NTM: variants seen among roughly 807,000 people sequenced by gnomAD.
The protein encoded by NTM is neurotrimin.
In NTM, 13 loss-of-function variants were observed where a neutral mutation model predicts 42.1. The ratio of observed to expected loss-of-function variants is 0.31; its 90% confidence interval spans 0.20 to 0.49. NTM has a LOEUF of 0.49. NTM is among the 20% of genes least tolerant of loss of function. The pLI is 0.99. For missense variants in NTM, 373 were observed against 452.8 expected (o/e 0.82, Z 1.60); for synonymous variants, 187 against 179.2 (o/e 1.04, Z -0.35).
chr11:131,824,031 G>T (rs993514832), intron 1 of NTM, among the ~76,000 whole-genome samples: 32 of 152,186 alleles, frequency 2.1e-4, no homozygotes, highest in African/African-American at 6.5e-4. Flanking sequence ...AGGGAGGCGG[G>T]AGGATAAGAG....
At chr11:131,529,006 A>C (rs2050876925) in intron 1 of NTM, among the ~76,000 whole-genome samples, 1 of 152,168 alleles carries the variant, frequency 6.6e-6, no homozygotes, top group Non-Finnish European at 1.5e-5. Context: ...GTGCTCAGTA[A>C]ATATATATTG....
intron 1 of NTM, among the ~76,000 whole-genome samples, chr11:131,516,442 G>A (rs184213320): frequency 7.9e-4 from 120 of 152,194 alleles, no homozygotes; most frequent in Middle Eastern, 3.4e-3. Context: ...GCAGTGGCGC[G>A]ATCTCGGCTC....
At chr11:132,300,105 A>T (rs1320258071) in intron 4 of NTM, among the ~76,000 whole-genome samples, 3 of 152,144 alleles carry the variant, frequency 2.0e-5, no homozygotes, top group Non-Finnish European at 1.5e-5. Context: ...AGAGTTTTCT[A>T]GTTAAAGGAT....
intron 8 of NTM, 147 bp downstream of exon 8, chr11:132,330,332 T>C (rs981527210): frequency 2.4e-6 from 2 of 836,902 alleles, no homozygotes; most frequent in African/African-American, 3.5e-5. Context: ...CATCTCCGTG[T>C]CAATTTAGAT....
intron 1 of NTM, among the ~76,000 whole-genome samples, chr11:131,894,743 G>A (rs2051985633): frequency 6.6e-6 from 1 of 152,158 alleles, no homozygotes; most frequent in Non-Finnish European, 1.5e-5. Context: ...CAGGGAGGTT[G>A]TTCATCCTCC....
At chr11:131,613,886 A>T (rs2061670995) in intron 1 of NTM, among the ~76,000 whole-genome samples, 1 of 152,064 alleles carries the variant, frequency 6.6e-6, no homozygotes, top group African/African-American at 2.4e-5. Context: ...AAACAGAGGA[A>T]CCCTGGTCTC....
chr11:131,953,144 G>C (rs2061200820), intron 2 of NTM, among the ~76,000 whole-genome samples: 1 of 152,118 alleles, frequency 6.6e-6, no homozygotes, highest in Non-Finnish European at 1.5e-5. Flanking sequence ...GCAGACCCTG[G>C]TTGGCTTTCA....
intron 1 of NTM, among the ~76,000 whole-genome samples, chr11:131,406,603 T>C (rs953820081): frequency 2.0e-5 from 3 of 152,214 alleles, no homozygotes; most frequent in Non-Finnish European, 2.9e-5. Context: ...ATGTTTAATT[T>C]ATAAATTAGG....
intron 1 of NTM, among the ~76,000 whole-genome samples, chr11:131,733,955 G>A (rs1417453650): frequency 6.6e-6 from 1 of 152,196 alleles, no homozygotes. Flanking sequence ...TTATGATAAT[G>A]TTGTAAAGAG....
At chr11:131,907,317 AGC>A (rs1210388978) in intron 1 of NTM, among the ~76,000 whole-genome samples, 1 of 152,200 alleles carries the variant, frequency 6.6e-6, no homozygotes, top group African/African-American at 2.4e-5. Flanking sequence ...TCTCTGTTCC[AGC>A]CCTGCTTCAG....
chr11:131,925,844 G>C (rs1343520454), intron 2 of NTM, among the ~76,000 whole-genome samples: 1 of 152,178 alleles, frequency 6.6e-6, no homozygotes, highest in Non-Finnish European at 1.5e-5. Flanking sequence ...CACGGGGCAA[G>C]ATTCAGGTGC....
chr11:131,684,891 A>G (rs2695825), intron 1 of NTM, among the ~76,000 whole-genome samples: 47,879 of 151,976 alleles, frequency 0.32, 8,768 homozygotes, highest in African/African-American at 0.51. Flanking sequence ...GGTGGGCAAG[A>G]AGACCAAGGG....
chr11:132,147,446 G>A (rs1418880848), intron 3 of NTM, among the ~76,000 whole-genome samples: 1 of 152,072 alleles, frequency 6.6e-6, no homozygotes, highest in Non-Finnish European at 1.5e-5. Context: ...TTCTCTTTCT[G>A]TAAAGGGGGT....
At chr11:131,468,427 C>A (rs1952100388) in intron 1 of NTM, among the ~76,000 whole-genome samples, 1 of 152,204 alleles carries the variant, frequency 6.6e-6, no homozygotes, top group South Asian at 2.1e-4. Context: ...AACCAGGAAG[C>A]AGCAACAATT....
chr11:131,906,241 G>T (rs1236599838), intron 1 of NTM, among the ~76,000 whole-genome samples: 2 of 152,026 alleles, frequency 1.3e-5, no homozygotes, highest in Non-Finnish European at 2.9e-5. Context: ...GTCCTCTGGG[G>T]GTCTCTCTCT....
intron 1 of NTM, among the ~76,000 whole-genome samples, chr11:131,646,436 C>A (rs1299726497): frequency 3.3e-5 from 5 of 152,212 alleles, no homozygotes; most frequent in Non-Finnish European, 7.3e-5. Flanking sequence ...TAACCCATTT[C>A]TTTTCTCTTC....
intron 1 of NTM, among the ~76,000 whole-genome samples, chr11:131,371,453 T>C (rs1465252277): frequency 1.3e-5 from 2 of 152,028 alleles, no homozygotes; most frequent in Non-Finnish European, 2.9e-5. Flanking sequence ...TAGTTTTAAA[T>C]GTGTTCGGGG....
At chr11:132,233,628 C>T (rs184806145) in intron 4 of NTM, among the ~76,000 whole-genome samples, 21 of 152,172 alleles carry the variant, frequency 1.4e-4, no homozygotes, top group African/African-American at 4.8e-4. Context: ...ACAGCCATGC[C>T]CATTTGTTTA....
intron 1 of NTM, among the ~76,000 whole-genome samples, chr11:131,685,613 T>C (rs1027482150): frequency 6.6e-6 from 1 of 152,190 alleles, no homozygotes; most frequent in Non-Finnish European, 1.5e-5. Flanking sequence ...CTTCACTTCT[T>C]ATCAGAAATG....
Sources: gnomAD v4.1 joint callset for allele counts (sites outside exome capture counted in the v4.1 genomes callset) on GRCh38, gnomAD v4.1.1 for gene constraint, MANE v1.5 for transcripts, NCBI Gene and HGNC (gene_info 2026-07-23, HGNC 2026-07-21) for gene names.